NLRC5: variants seen among roughly 807,000 people sequenced by gnomAD.
NLRC5 encodes NLR family CARD domain containing 5, also known as protein NLRC5.
NLRC5 carries 114 observed loss-of-function variants against 206.9 expected under a neutral mutation model. That is an observed-to-expected ratio of 0.55 (90% CI 0.47 to 0.64). NLRC5 has a LOEUF of 0.64. Ranked by LOEUF, NLRC5 falls within the 30% of genes least tolerant of loss-of-function variation. The pLI, the probability that NLRC5 is intolerant of heterozygous loss-of-function variation, is 0.00. For synonymous variants in NLRC5, 952 were observed against 962.8 expected (o/e 0.99, Z 0.21); for missense variants, 2,008 against 2,305.5 (o/e 0.87, Z 2.64).
intron 32 of NLRC5, among the ~76,000 whole-genome samples, chr16:57,062,998 T>C (rs1398686857): frequency 6.6e-6 from 1 of 151,892 alleles, no homozygotes. Context: ...AGTGGAGTCA[T>C]TTGTATTTGT....
intron 35 of NLRC5, 128 bp downstream of exon 35, chr16:57,067,598 G>A: frequency 7.5e-7 from 1 of 1,338,780 alleles, no homozygotes; most frequent in Non-Finnish European, 1.1e-6. Flanking sequence ...GGCCAGTGGA[G>A]GGGAGGGAGA....
rs577972965 is a variant in NLRC5, at chr16:57,043,617, C to T, written c.3203+13C>T. 1 of 1,607,614 alleles carries T rather than the reference C, an allele frequency of 6.2e-7. No homozygotes were observed. The highest frequency in any genetic ancestry group is 1.1e-5 in the South Asian group (1 of 90,980). On this transcript the variant is annotated intron_variant, in intron 20 of 48. Coordinates refer to ENST00000688547, the MANE Select transcript of NLRC5 (RefSeq NM_001384950.1). ...GCTTGGACATCAGGTGAGCGTGCCT[C>T]TCCGCCCCCAGCCCTGCCCCTGTCC...
chr16:57,071,780 G>GAT (rs1287420335), intron 38 of NLRC5, among the ~76,000 whole-genome samples: 1 of 150,736 alleles, frequency 6.6e-6, no homozygotes. Flanking sequence ...AGTGAGTGGT[G>GAT]GGGTTGGTTA....
chr16:57,012,512 G>A (rs1418761652), intron 1 of NLRC5, among the ~76,000 whole-genome samples: 9 of 152,144 alleles, frequency 5.9e-5, no homozygotes, highest in South Asian at 2.1e-4. Context: ...AGCGGCCATC[G>A]GGCGAGTATT....
chr16:57,025,236 C>A, intron 5 of NLRC5, 132 bp from the exon 6 acceptor site: 3 of 1,427,838 alleles, frequency 2.1e-6, no homozygotes, highest in South Asian at 3.3e-5. Flanking sequence ...GTGCTCTTGA[C>A]ACCCCCACCC....
rs888089984 is a variant in NLRC5 at position 57,022,673 on chromosome 16, C to T, written c.355+358C>T. Reference sequence around the variant, plus strand: ...TGGGGAAGCCCTAACCACCCCCTCCCGACTTGTACACCTTGGACTTGACAC... The same window carrying T: ...TGGGGAAGCCCTAACCACCCCCTCCTGACTTGTACACCTTGGACTTGACAC... On this transcript the variant is annotated intron_variant, in intron 4 of 48. Coordinates refer to ENST00000688547, the MANE Select transcript of NLRC5 (RefSeq NM_001384950.1). Among the ~76,000 whole-genome samples the T allele has an allele frequency of 2.0e-5, 3 of 152,226 alleles. No homozygotes were observed. The South Asian group carries it at 6.2e-4, about 31-fold the overall frequency.
chr16:56,989,880 C>T (rs748664127), intron 1 of NLRC5, among the ~76,000 whole-genome samples: 12 of 152,164 alleles, frequency 7.9e-5, no homozygotes, highest in Non-Finnish European at 1.8e-4. Flanking sequence ...ATGAGGGTCG[C>T]CTGGATGGGG....
chr16:56,992,450 T>C (rs1235995081), intron 1 of NLRC5: 5 of 151,780 alleles, frequency 3.3e-5, no homozygotes, highest in African/African-American at 1.2e-4. Flanking sequence ...CAGATCTTTT[T>C]TATTTTATTT....
chr16:57,041,918 C>T, intron 18 of NLRC5, 64 bp from the exon 19 acceptor site: 1 of 1,094,584 alleles, frequency 9.1e-7, no homozygotes, highest in Non-Finnish European at 1.3e-6. Flanking sequence ...AATGCAGGGA[C>T]CATGCTGCCA....
At chr16:57,015,784 G>A (rs1012903234) in intron 1 of NLRC5, among the ~76,000 whole-genome samples, 4 of 151,232 alleles carry the variant, frequency 2.6e-5, no homozygotes, top group East Asian at 3.9e-4. Flanking sequence ...AAAATTAGCC[G>A]GGTGTAGTGG....
intron 39 of NLRC5, among the ~76,000 whole-genome samples, chr16:57,076,466 C>T (rs369448139): frequency 3.9e-5 from 6 of 152,220 alleles, no homozygotes; most frequent in South Asian, 2.1e-4. Flanking sequence ...GGCATTCAGC[C>T]GGGCCAGCCC....
intron 23 of NLRC5, among the ~76,000 whole-genome samples, chr16:57,049,556 T>C (rs1015443794): frequency 6.6e-6 from 1 of 151,872 alleles, no homozygotes; most frequent in Non-Finnish European, 1.5e-5. Flanking sequence ...GCCAACATAG[T>C]GAAACCCCAT....
At chr16:57,035,996 C>T in intron 13 of NLRC5, 104 bp from the exon 14 acceptor site, 3 of 1,071,544 alleles carry the variant, frequency 2.8e-6, no homozygotes, top group South Asian at 2.6e-5. Flanking sequence ...AGGTTCATTC[C>T]TGAGAGTGAC....
chr16:56,995,208 G>A (rs2057450416), intron 1 of NLRC5, among the ~76,000 whole-genome samples: 1 of 152,200 alleles, frequency 6.6e-6, no homozygotes, highest in Admixed American at 6.5e-5. Flanking sequence ...TAAAGCAGGA[G>A]CCCTCAGCTA....
rs765389518 is a variant in NLRC5, at chr16:57,077,954, A to G, written c.5015A>G (p.Asn1672Ser). 2 of 1,613,292 alleles carry G rather than the reference A, an allele frequency of 1.2e-6. No individual in the cohort carries two copies. Among genetic ancestry groups the G allele is most frequent in the Non-Finnish European group, 1.7e-6 (2 of 1,179,636 alleles). Residue 1672 changes from asparagine (N) to serine (S), a missense_variant, in exon 43 of 49, where the codon AAT becomes AGT. By Grantham distance (46) the Asn-to-Ser change is conservative. Transcript: ENST00000688547. ...CTCTCCTCTTCCAGGCTTGGCTGCA[A>G]TGCCCTGGGGGATCCCACAGCCCTG... ...RRLEELMLGC[N>S]ALGDPTALGL...
intron 3 of NLRC5, 176 bp downstream of exon 3, chr16:57,021,183 G>A: frequency 1.7e-6 from 1 of 596,896 alleles, no homozygotes; most frequent in South Asian, 2.2e-5. Flanking sequence ...AAATCTGCTG[G>A]GGCCTGGAGG....
chr16:57,056,948 C>T (rs931622863), intron 27 of NLRC5, among the ~76,000 whole-genome samples: 1 of 152,000 alleles, frequency 6.6e-6, no homozygotes, highest in Non-Finnish European at 1.5e-5. Flanking sequence ...CTTGAGCCAC[C>T]GCACCCAGCC....
chr16:57,065,121 C>G (rs1641534551), intron 32 of NLRC5, 91 bp from the exon 33 acceptor site: 3 of 760,694 alleles, frequency 3.9e-6, no homozygotes, highest in Middle Eastern at 3.5e-4. Flanking sequence ...CTAGGTCCCC[C>G]CCTTGACACT....
At chr16:57,058,932 C>T (rs758823336) in intron 28 of NLRC5, 40 bp from the exon 29 acceptor site, 2 of 1,564,864 alleles carry the variant, frequency 1.3e-6, no homozygotes, top group Non-Finnish European at 1.8e-6. Flanking sequence ...CCAAGGAGGT[C>T]CTGCCCTCAC....
Sources: gnomAD v4.1 joint callset for allele counts (sites outside exome capture counted in the v4.1 genomes callset) on GRCh38, gnomAD v4.1.1 for gene constraint, MANE v1.5 for transcripts, NCBI Gene and HGNC (gene_info 2026-07-23, HGNC 2026-07-21) for gene names.